The following CAST variants were observed in gnomAD, a reference collection of about 807,000 sequenced individuals.
The protein encoded by CAST is MIR583 host.
A neutral mutation model predicts 119.6 loss-of-function variants in CAST; 76 were observed. The ratio of observed to expected loss-of-function variants is 0.64; its 90% CI spans 0.53 to 0.77. CAST has a LOEUF of 0.77. Ranked by LOEUF, CAST falls within the 30% of genes least tolerant of loss-of-function variation. The probability of loss-of-function intolerance (pLI) is 0.00; values close to 1 mark genes in which losing one functional copy is unlikely to be tolerated. For missense variants in CAST, 953 were observed against 946.5 expected, an observed-to-expected ratio of 1.01 and a Z score of -0.09; for synonymous variants, 319 against 331.6, an observed-to-expected ratio of 0.96 and a Z score of 0.41.
rs796625580 is a variant in CAST at position 96,675,454 on chromosome 5, G to C, written c.76-85G>C. The C allele has an allele frequency of 6.6e-5, 60 of 902,274 alleles. No individual in the cohort carries two copies. In the African/African-American group the frequency reaches 9.4e-4, roughly 14 times the overall value. 55.9% of individuals were successfully genotyped at this position (902,274 alleles called of 1,614,324 possible). ...TTAAAGTGGTCGTTTTTTAAAAAAGGGTATGCATTTAGCCTTTGGGGATTA... is the reference window on the plus strand; with the variant it reads ...TTAAAGTGGTCGTTTTTTAAAAAAGCGTATGCATTTAGCCTTTGGGGATTA... On this transcript the variant is annotated intron_variant, in intron 1 of 31. Transcript: ENST00000675179.
At chr5:96,573,671 GCA>G (rs1473421129) in intron 1 of CAST, among the ~76,000 whole-genome samples, 1 of 151,874 alleles carries the variant, frequency 6.6e-6, no homozygotes, top group East Asian at 1.9e-4. Flanking sequence ...GATCATAAAT[GCA>G]CAGTTTGGTG....
At chr5:96,108,675 TTGTTTGTC>T in the CAST span, among the ~76,000 whole-genome samples, 1 of 152,248 alleles carries the variant, frequency 6.6e-6, no homozygotes, top group African/African-American at 2.4e-5. Context: ...TGCTGTCTTT[TTGTTTGTC>T]TGTGCCCTGC....
At chr5:96,383,808 T>G in the CAST span, among the ~76,000 whole-genome samples, 4 of 152,142 alleles carry the variant, frequency 2.6e-5, no homozygotes, top group East Asian at 7.7e-4. Context: ...TTTAGAAACA[T>G]CACAGTATGA....
At chr5:96,672,763 A>C (rs1023716889) in intron 1 of CAST, among the ~76,000 whole-genome samples, 1 of 152,018 alleles carries the variant, frequency 6.6e-6, no homozygotes, top group African/African-American at 2.4e-5. Context: ...AAGTTCTAAA[A>C]AAGTTGGCCT....
At chr5:96,620,722 G>A (rs568565031) in intron 1 of CAST, among the ~76,000 whole-genome samples, 3 of 152,348 alleles carry the variant, frequency 2.0e-5, no homozygotes, top group Non-Finnish European at 4.4e-5. Flanking sequence ...CTTCGACAGT[G>A]AACAAGAGAG....
the CAST span, among the ~76,000 whole-genome samples, chr5:96,119,191 G>A: frequency 6.6e-6 from 1 of 152,190 alleles, no homozygotes; most frequent in East Asian, 1.9e-4. Flanking sequence ...TCTCTATTGA[G>A]GTCTGATCAC....
intron 1 of CAST, among the ~76,000 whole-genome samples, chr5:96,651,532 G>A (rs567200979): frequency 1.6e-4 from 24 of 152,156 alleles, no homozygotes; most frequent in African/African-American, 5.3e-4. Flanking sequence ...TGTAAGCTTC[G>A]CATCTCACCT....
intron 1 of CAST, among the ~76,000 whole-genome samples, chr5:96,623,633 C>A (rs767482788): frequency 1.3e-5 from 2 of 152,146 alleles, no homozygotes; most frequent in Non-Finnish European, 2.9e-5. Flanking sequence ...TCTCCTCTGA[C>A]ATTATTTTAG....
the CAST span, among the ~76,000 whole-genome samples, chr5:96,349,590 T>G: frequency 6.6e-6 from 1 of 152,192 alleles, no homozygotes; most frequent in African/African-American, 2.4e-5. Context: ...TTTGTATCTT[T>G]CAAAATAAGA....
chr5:96,655,760 AATTTGAATAAAGTAGAACAGAAGTTGAAT>A (rs1346552600), intron 1 of CAST, among the ~76,000 whole-genome samples: 2 of 152,386 alleles, frequency 1.3e-5, no homozygotes, highest in African/African-American at 4.8e-5. Context: ...TTAAAAAAGA[AATTTGAATAAAGTAGAACAGAAGTTGAAT>A]ATCAGAATAT....
chr5:96,723,483 G>A (rs1041526425), intron 4 of CAST, among the ~76,000 whole-genome samples: 1 of 151,942 alleles, frequency 6.6e-6, no homozygotes, highest in Non-Finnish European at 1.5e-5. Context: ...TTCCCAAGTT[G>A]TTTTTTCTGA....
In CAST at chr5:96,773,276, A is replaced by C. The variant is rs1284852233; in HGVS notation, c.*660A>C. ...GAACTCTTCTTTGCCAGGTGTGAGG[A>C]CTTCTGCATCTTACAGTCAGCACAG... On this transcript the variant is annotated 3_prime_UTR_variant, in exon 32 of 32. Transcript: ENST00000675179. The C allele has an allele frequency of 6.5e-6, 1 of 153,366 alleles. No individual in the cohort carries two copies. The highest frequency in any genetic ancestry group is 2.4e-5 in the African/African-American group (1 of 41,374). The allele number at this position is 153,366 out of a possible 1,614,324, so 9.5% of individuals were successfully genotyped here.
the CAST span, among the ~76,000 whole-genome samples, chr5:96,400,915 G>A: frequency 6.6e-6 from 1 of 151,088 alleles, no homozygotes; most frequent in South Asian, 2.1e-4. Context: ...GTGAAACCCC[G>A]TCTCTACTAA....
At chr5:96,357,522 T>A in the CAST span, among the ~76,000 whole-genome samples, 201 of 152,312 alleles carry the variant, frequency 1.3e-3, 1 homozygote, top group African/African-American at 4.5e-3. Context: ...ACCTAGTTTA[T>A]GAGAGTTTTT....
At chr5:96,425,064 G>T in the CAST span, among the ~76,000 whole-genome samples, 1 of 137,560 alleles carries the variant, frequency 7.3e-6, no homozygotes, top group African/African-American at 2.8e-5. Context: ...AAGAAAGAAA[G>T]AAAGAAAGAA....
chr5:96,692,288 G>A (rs977108108), intron 2 of CAST, among the ~76,000 whole-genome samples: 1 of 152,088 alleles, frequency 6.6e-6, no homozygotes. Flanking sequence ...CTAAGCACAA[G>A]GTGACATGAA....
intron 15 of CAST, chr5:96,741,791 A>G (rs1204867010): frequency 1.2e-5 from 6 of 496,040 alleles, no homozygotes; most frequent in Non-Finnish European, 1.8e-5. Flanking sequence ...ATTTTAGCAC[A>G]GTTGTCTCAG....
the CAST span, among the ~76,000 whole-genome samples, chr5:96,485,586 G>A: frequency 7.3e-4 from 111 of 152,252 alleles, 1 homozygote; most frequent in African/African-American, 2.6e-3. Flanking sequence ...ACCCAAATAT[G>A]AATAGTTCGA....
At chr5:96,480,522 G>T in the CAST span, among the ~76,000 whole-genome samples, 1 of 152,154 alleles carries the variant, frequency 6.6e-6, no homozygotes, top group Non-Finnish European at 1.5e-5. Context: ...CTAAACTGGA[G>T]ATAGAGAAAG....
Sources: gnomAD v4.1 joint callset for allele counts (sites outside exome capture counted in the v4.1 genomes callset) on GRCh38, gnomAD v4.1.1 for gene constraint, MANE v1.5 for transcripts, NCBI Gene and HGNC (gene_info 2026-07-23, HGNC 2026-07-21) for gene names.